Variants in LTBP1 observed in about 807,000 individuals in gnomAD.
The protein encoded by LTBP1 is latent-transforming growth factor beta-binding protein 1.
Under a neutral mutation model 207.6 loss-of-function variants are expected in LTBP1, and 129 were observed. The ratio of observed to expected loss-of-function variants is 0.62; its 90% CI spans 0.54 to 0.72. LTBP1 has a LOEUF of 0.72. Among genes scored for constraint, LTBP1 ranks in the 30% least tolerant of loss-of-function variants. The pLI is 0.00. For missense variants in LTBP1, 2,281 were observed against 2,217.2 expected (o/e 1.03, Z -0.58); for synonymous variants, 963 against 833.7 (o/e 1.16, Z -2.67).
At chr2:32,978,785 A>G (rs1165683921) in intron 2 of LTBP1, among the ~76,000 whole-genome samples, 3 of 150,562 alleles carry the variant, frequency 2.0e-5, no homozygotes, top group Non-Finnish European at 4.4e-5. Flanking sequence ...TAGGATTGGT[A>G]TTAGTTCTTC....
At chr2:33,278,690 T>A (rs2093496904) in intron 18 of LTBP1, among the ~76,000 whole-genome samples, 1 of 152,238 alleles carries the variant, frequency 6.6e-6, no homozygotes, top group Non-Finnish European at 1.5e-5. Flanking sequence ...CTCGATGGCA[T>A]TCTCTGATTT....
intron 3 of LTBP1, among the ~76,000 whole-genome samples, chr2:33,044,152 G>C (rs940088663): frequency 2.1e-4 from 31 of 150,780 alleles, no homozygotes; most frequent in African/African-American, 7.3e-4. Context: ...TATACTTTAA[G>C]TTCTGGGATA....
chr2:32,952,657 C>T (rs368506832), intron 2 of LTBP1, among the ~76,000 whole-genome samples: 19 of 151,826 alleles, frequency 1.3e-4, no homozygotes, highest in African/African-American at 3.9e-4. Context: ...TTTTTTTCTG[C>T]GCCCAAACTG....
chr2:33,239,938 A>AT (rs1553464877), intron 9 of LTBP1, among the ~76,000 whole-genome samples: 1 of 151,588 alleles, frequency 6.6e-6, no homozygotes, highest in African/African-American at 2.4e-5. Context: ...AAATAAATAA[A>AT]AATATGAGAC....
chr2:33,094,799 C>G (rs942272287), intron 3 of LTBP1, among the ~76,000 whole-genome samples: 3 of 152,104 alleles, frequency 2.0e-5, no homozygotes, highest in African/African-American at 7.2e-5. Context: ...GGTTATAAAC[C>G]CAATGGCTTT....
intron 11 of LTBP1, among the ~76,000 whole-genome samples, chr2:33,254,083 C>A (rs761693102): frequency 1.8e-4 from 28 of 151,730 alleles, no homozygotes; most frequent in Non-Finnish European, 3.5e-4. Flanking sequence ...TTAGTAGAGA[C>A]GGAGTTTGAC....
intron 4 of LTBP1, among the ~76,000 whole-genome samples, chr2:33,132,803 A>C (rs1457054357): frequency 6.6e-6 from 1 of 152,168 alleles, no homozygotes; most frequent in Admixed American, 6.5e-5. Flanking sequence ...GAGATGACCA[A>C]CCCAGCTGAT....
At chr2:33,088,151 T>G (rs539383745) in intron 3 of LTBP1, among the ~76,000 whole-genome samples, 1 of 152,296 alleles carries the variant, frequency 6.6e-6, no homozygotes, top group African/African-American at 2.4e-5. Context: ...CAAAGAAGTC[T>G]CTTGTTAAAT....
At chr2:33,388,624 C>T (rs1175811307) in intron 31 of LTBP1, among the ~76,000 whole-genome samples, 1 of 152,088 alleles carries the variant, frequency 6.6e-6, no homozygotes, top group African/African-American at 2.4e-5. Context: ...TTCTTATTAT[C>T]GTGATTATTA....
chr2:33,163,138 C>A (rs750200353), intron 5 of LTBP1, among the ~76,000 whole-genome samples: 1 of 152,126 alleles, frequency 6.6e-6, no homozygotes, highest in Non-Finnish European at 1.5e-5. Context: ...CATGCCACCA[C>A]GCCTGGCTAA....
chr2:33,375,387 C>G lies in LTBP1; in HGVS notation c.4711+9884C>G, dbSNP rs889900645. 3.3e-5 allele frequency among the ~76,000 whole-genome samples: 5 copies of G among 152,148 alleles called. 1 individual carries two copies. The highest frequency in any genetic ancestry group is 1.2e-4 in the African/African-American group (5 of 41,418). On this transcript the variant is annotated intron_variant, in intron 31 of 33. Transcript: ENST00000404816. ...AGACAATGAGGGATAGGAGGGTGTT[C>G]AGGGAATTGCACAGACCCGAATACC...
At position 33,150,965 on chromosome 2, in the gene LTBP1, C is replaced by G. The variant is rs192410879; in HGVS notation, c.1201+16005C>G. Among the ~76,000 whole-genome samples, 487 of 151,970 alleles carry G rather than the reference C, an allele frequency of 3.2e-3. 2 individuals carry two copies. Among genetic ancestry groups the G allele is most frequent in the Non-Finnish European group, 3.5e-3 (236 of 67,970 alleles). On this transcript the variant is annotated intron_variant, in intron 5 of 33. Coordinates refer to ENST00000404816, the MANE Select transcript of LTBP1 (RefSeq NM_206943.4). ...ATGTTGGCCAGGCTGGGCTCAAATT[C>G]CTGTCCTCAAGTGATCCATCTGCCT...
At chr2:33,226,999 G>A (rs1187894750) in intron 9 of LTBP1, among the ~76,000 whole-genome samples, 8 of 151,492 alleles carry the variant, frequency 5.3e-5, no homozygotes. Context: ...TTTATCTATT[G>A]GCTTTTTACC....
At chr2:33,103,853 G>T (rs1423761550) in intron 3 of LTBP1, among the ~76,000 whole-genome samples, 1 of 152,024 alleles carries the variant, frequency 6.6e-6, no homozygotes, top group East Asian at 1.9e-4. Context: ...CTTGAATTTT[G>T]TGGAGAAGAA....
chr2:33,005,845 C>G (rs1162459481), intron 2 of LTBP1, among the ~76,000 whole-genome samples: 2 of 152,152 alleles, frequency 1.3e-5, no homozygotes, highest in Non-Finnish European at 2.9e-5. Flanking sequence ...CCTTGACCTC[C>G]CAGACTGTTA....
At chr2:33,230,892 ACGTACTGTGGG>A (rs758477039) in intron 9 of LTBP1, among the ~76,000 whole-genome samples, 28 of 51,372 alleles carry the variant, frequency 5.5e-4, no homozygotes, top group Non-Finnish European at 1.8e-3. Flanking sequence ...CATTTTTGGC[ACGTACTGTGGG>A]CAATACCACA....
In LTBP1 at chr2:33,262,717, TC is replaced by T; in HGVS notation, c.2419-3del. On this transcript the variant is annotated splice_region_variant and splice_polypyrimidine_tract_variant and intron_variant, in intron 13 of 33. Coordinates refer to ENST00000404816, the MANE Select transcript of LTBP1 (RefSeq NM_206943.4). ...CTTATTCTCTTTTAAAATACAACCATCCAGGAAATACCTTCATTGGATCAAG... is the reference window on the plus strand; with the variant it reads ...CTTATTCTCTTTTAAAATACAACCATCAGGAAATACCTTCATTGGATCAAG... The T allele has an allele frequency of 6.6e-7, 1 of 1,513,274 alleles. No individual in the cohort carries two copies. Among genetic ancestry groups the T allele is most frequent in the Non-Finnish European group, 9.1e-7 (1 of 1,099,442 alleles). 93.7% of individuals were successfully genotyped at this position (1,513,274 alleles called of 1,614,324 possible).
intron 14 of LTBP1, 90 bp from the exon 15 acceptor site, chr2:33,263,204 C>A: frequency 5.1e-6 from 4 of 789,150 alleles, no homozygotes; most frequent in South Asian, 1.5e-5. Flanking sequence ...TGATATATTG[C>A]TAGACTAAAT....
chr2:32,984,418 T>C (rs1683224999), intron 2 of LTBP1, among the ~76,000 whole-genome samples: 1 of 152,228 alleles, frequency 6.6e-6, no homozygotes, highest in South Asian at 2.1e-4. Context: ...CCTTTCCTGA[T>C]GGTTTTTCAA....
Sources: allele counts gnomAD v4.1 joint callset (sites outside exome capture counted in the v4.1 genomes callset), GRCh38; gene constraint gnomAD v4.1.1; transcripts MANE v1.5; gene names NCBI Gene and HGNC (gene_info 2026-07-23, HGNC 2026-07-21).